The following FMN1 variants were observed in gnomAD, a reference collection of about 807,000 sequenced individuals.
FMN1 encodes the protein formin 1.
Under a neutral mutation model 132.4 loss-of-function variants are expected in FMN1, and 110 were observed. That is an observed-to-expected ratio of 0.83 (90% CI 0.71 to 0.97). FMN1 has a LOEUF of 0.97. FMN1 is among the 50% of genes least tolerant of loss of function. FMN1 has a pLI of 0.00. For missense variants in FMN1, 1,792 were observed against 1,705.3 expected, an observed-to-expected ratio of 1.05 and a Z score of -0.90; for synonymous variants, 722 against 651.7, an observed-to-expected ratio of 1.11 and a Z score of -1.64.
chr15:32,938,303 TG>T (rs2061326149), intron 9 of FMN1, among the ~76,000 whole-genome samples: 1 of 151,996 alleles, frequency 6.6e-6, no homozygotes, highest in South Asian at 2.1e-4. Context: ...TCGAGGTGGG[TG>T]GATCACTTGA....
chr15:32,961,914 T>C (rs904224223), intron 9 of FMN1, among the ~76,000 whole-genome samples: 3 of 152,074 alleles, frequency 2.0e-5, no homozygotes, highest in Non-Finnish European at 4.4e-5. Flanking sequence ...AGCTGGTGCC[T>C]CTCAAGTTTT....
chr15:33,189,254 G>A (rs1247925721), intron 2 of FMN1, among the ~76,000 whole-genome samples: 2 of 152,180 alleles, frequency 1.3e-5, no homozygotes, highest in Non-Finnish European at 2.9e-5. Flanking sequence ...AGAAGGTAGA[G>A]GATGCTACAA....
chr15:32,821,154 CAG>C (rs55672832), intron 17 of FMN1, among the ~76,000 whole-genome samples: 25,671 of 150,102 alleles, frequency 0.17, 2,641 homozygotes, highest in East Asian at 0.32. Flanking sequence ...AAGAGATAAT[CAG>C]AGTATCCAAA....
At chr15:32,915,872 A>G (rs2060672002) in intron 10 of FMN1, among the ~76,000 whole-genome samples, 1 of 152,220 alleles carries the variant, frequency 6.6e-6, no homozygotes, top group Non-Finnish European at 1.5e-5. Flanking sequence ...ACCTCACAAT[A>G]TGTCAAAAGG....
chr15:33,066,545 G>A (rs1230797883), intron 5 of FMN1: 3 of 1,593,260 alleles, frequency 1.9e-6, no homozygotes, highest in East Asian at 2.2e-5. Context: ...CGCTGGCTTA[G>A]AATTGGACCG....
At chr15:33,056,253 T>G (rs2037211647) in intron 6 of FMN1, among the ~76,000 whole-genome samples, 1 of 152,154 alleles carries the variant, frequency 6.6e-6, no homozygotes, top group Admixed American at 6.5e-5. Flanking sequence ...TCCAAGGGTG[T>G]TCAGAGTAAT....
chr15:33,103,699 T>A (rs345782), intron 4 of FMN1, among the ~76,000 whole-genome samples: 7 of 151,896 alleles, frequency 4.6e-5, no homozygotes, highest in African/African-American at 1.7e-4. Flanking sequence ...TTCATTTTGT[T>A]ATGTAGAAGA....
At chr15:33,009,434 T>C (rs965699751) in intron 6 of FMN1, among the ~76,000 whole-genome samples, 3 of 152,162 alleles carry the variant, frequency 2.0e-5, no homozygotes, top group Non-Finnish European at 4.4e-5. Context: ...AAGACCTCCA[T>C]GTCCTGGTTC....
intron 9 of FMN1, among the ~76,000 whole-genome samples, chr15:32,948,774 T>C (rs1200598191): frequency 2.0e-5 from 3 of 152,104 alleles, no homozygotes; most frequent in South Asian, 2.1e-4. Context: ...TTGAATGTTA[T>C]TCTTTTTTTT....
chr15:32,898,201 ATTTAC>A (rs2060205678), intron 15 of FMN1, among the ~76,000 whole-genome samples: 1 of 152,200 alleles, frequency 6.6e-6, no homozygotes, highest in Non-Finnish European at 1.5e-5. Context: ...TCCTGACAGC[ATTTAC>A]TTTGAGACTT....
chr15:32,861,180 C>T (rs951175690), intron 16 of FMN1, among the ~76,000 whole-genome samples: 1 of 152,204 alleles, frequency 6.6e-6, no homozygotes, highest in Non-Finnish European at 1.5e-5. Context: ...TAGTATAAAA[C>T]ATGCCTGCAA....
In FMN1 at chr15:32,909,666, G is replaced by A. The variant is rs147307616; in HGVS notation, c.3288+808C>T. On this transcript the variant is annotated intron_variant, in intron 11 of 20. Coordinates refer to ENST00000616417, the MANE Select transcript of FMN1 (RefSeq NM_001277313.2). ...GAAATACCATTACTTAAGAGAATGT[G>A]GTTCAATCTATGTTTTTGTAGCCTA... Among the ~76,000 whole-genome samples the A allele has an allele frequency of 1.3e-4, 20 of 152,242 alleles. No homozygotes were observed. In the East Asian group the frequency reaches 3.7e-3, roughly 28 times the overall value.
intron 7 of FMN1, among the ~76,000 whole-genome samples, chr15:32,999,656 G>A (rs960074765): frequency 2.0e-5 from 3 of 152,182 alleles, no homozygotes; most frequent in Non-Finnish European, 4.4e-5. Flanking sequence ...GATAAATGGG[G>A]TAAACGAAAA....
intron 4 of FMN1, among the ~76,000 whole-genome samples, chr15:33,128,717 G>C (rs1184745377): frequency 1.3e-5 from 2 of 151,724 alleles, no homozygotes; most frequent in African/African-American, 4.9e-5. Context: ...CTCACGGTAA[G>C]TGTGACAGCT....
intron 4 of FMN1, chr15:33,106,167 T>G (rs892048493): frequency 6.6e-6 from 1 of 152,016 alleles, no homozygotes; most frequent in Admixed American, 6.6e-5. Context: ...TCTCAGTACT[T>G]CCTGGTTGCC....
intron 7 of FMN1, among the ~76,000 whole-genome samples, chr15:33,003,719 A>G (rs1454930057): frequency 4.6e-5 from 7 of 152,236 alleles, no homozygotes; most frequent in Non-Finnish European, 1.5e-5. Flanking sequence ...GAACCAAAAA[A>G]GAGCCCGCAT....
chr15:33,021,330 C>A (rs1449464049), intron 6 of FMN1, among the ~76,000 whole-genome samples: 1 of 151,024 alleles, frequency 6.6e-6, no homozygotes, highest in Admixed American at 6.6e-5. Flanking sequence ...ACAGCAATAG[C>A]TGATGAATAC....
chr15:32,943,994 C>G (rs1567439050), intron 9 of FMN1, among the ~76,000 whole-genome samples: 1 of 152,096 alleles, frequency 6.6e-6, no homozygotes, highest in Non-Finnish European at 1.5e-5. Context: ...TGGCAGAATC[C>G]TTTTATAGCT....
chr15:33,076,790 C>T (rs1426526515), intron 5 of FMN1, among the ~76,000 whole-genome samples: 1 of 152,124 alleles, frequency 6.6e-6, no homozygotes, highest in African/African-American at 2.4e-5. Context: ...TAACAGTTTT[C>T]TTTCCTACTA....
Sources: allele counts gnomAD v4.1 joint callset (sites outside exome capture counted in the v4.1 genomes callset), GRCh38; gene constraint gnomAD v4.1.1; transcripts MANE v1.5; gene names NCBI Gene and HGNC (gene_info 2026-07-23, HGNC 2026-07-21).